DAB1: variants seen among roughly 807,000 people sequenced by gnomAD.
DAB1 encodes DAB adaptor protein 1, also known as disabled homolog 1.
DAB1 carries 15 observed loss-of-function variants against 64.6 expected under a neutral mutation model. The ratio of observed to expected loss-of-function variants is 0.23; its 90% CI spans 0.16 to 0.36. DAB1 has a LOEUF of 0.36. Ranked by LOEUF, DAB1 falls within the 10% of genes least tolerant of loss-of-function variation. The pLI is 1.00. For missense variants in DAB1, 596 were observed against 706.7 expected (o/e 0.84, Z 1.78); for synonymous variants, 235 against 251.9 (o/e 0.93, Z 0.64).
chr1:57,945,316 G>A (rs1645167941), intron 5 of DAB1, among the ~76,000 whole-genome samples: 1 of 152,120 alleles, frequency 6.6e-6, no homozygotes, highest in Non-Finnish European at 1.5e-5. Flanking sequence ...CTGGAGTGTA[G>A]TGGTTTGTTC....
At chr1:57,613,966 A>G (rs1470381476) in intron 7 of DAB1, among the ~76,000 whole-genome samples, 1 of 152,196 alleles carries the variant, frequency 6.6e-6, no homozygotes, top group Admixed American at 6.5e-5. Context: ...AGAAGTATGT[A>G]TCTAAATACC....
At chr1:58,393,353 A>T (rs1018592290) in intron 3 of DAB1, among the ~76,000 whole-genome samples, 2 of 152,188 alleles carry the variant, frequency 1.3e-5, no homozygotes, top group Non-Finnish European at 2.9e-5. Context: ...ATGAATACAA[A>T]TCAAATAATA....
intron 5 of DAB1, among the ~76,000 whole-genome samples, chr1:58,124,743 T>C (rs948090849): frequency 1.7e-4 from 26 of 152,224 alleles, no homozygotes. Context: ...CTTAGGCCAG[T>C]GTCTTTGCAT....
intron 7 of DAB1, among the ~76,000 whole-genome samples, chr1:57,454,400 A>G (rs1461186407): frequency 6.6e-6 from 1 of 152,196 alleles, no homozygotes; most frequent in Non-Finnish European, 1.5e-5. Flanking sequence ...AAACTAACAC[A>G]GGAACAGAAA....
chr1:58,215,314 C>A (rs1352833572), intron 4 of DAB1, among the ~76,000 whole-genome samples: 1 of 152,072 alleles, frequency 6.6e-6, no homozygotes, highest in East Asian at 1.9e-4. Flanking sequence ...AGTCAAATGA[C>A]CTCCCTCCCT....
At chr1:57,982,669 A>C (rs953501926) in intron 5 of DAB1, among the ~76,000 whole-genome samples, 2 of 152,206 alleles carry the variant, frequency 1.3e-5, no homozygotes, top group Non-Finnish European at 2.9e-5. Flanking sequence ...GCCTTCAAGG[A>C]AGCAAAATTC....
chr1:57,886,655 G>A (rs1300275979), upstream of DAB1, among the ~76,000 whole-genome samples: 4 of 152,130 alleles, frequency 2.6e-5, no homozygotes, highest in African/African-American at 9.7e-5. Flanking sequence ...CTATTTGCAT[G>A]TCTTCTCTGC....
At chr1:57,145,451 TC>T (rs778584155) in intron 2 of DAB1, 22 bp from the exon 3 acceptor site, 14 of 1,613,550 alleles carry the variant, frequency 8.7e-6, no homozygotes, top group African/African-American at 1.3e-5. Context: ...AAAAGCAGAT[TC>T]AAATATGTAG....
chr1:58,300,276 T>C (rs1313771929), intron 4 of DAB1, among the ~76,000 whole-genome samples: 4 of 152,078 alleles, frequency 2.6e-5, no homozygotes, highest in Admixed American at 2.6e-4. Context: ...CTGGGAGCAG[T>C]GGCTTATGCC....
chr1:57,000,082 C>A (rs1052030937), intron 14 of DAB1, among the ~76,000 whole-genome samples: 1 of 135,982 alleles, frequency 7.4e-6, no homozygotes, highest in Non-Finnish European at 1.5e-5. Context: ...CTCACTCTGT[C>A]GCCCAGGCTA....
At chr1:57,480,739 C>A (rs1183813007) in intron 7 of DAB1, among the ~76,000 whole-genome samples, 1 of 152,172 alleles carries the variant, frequency 6.6e-6, no homozygotes, top group African/African-American at 2.4e-5. Flanking sequence ...CCCTTCTTGG[C>A]TTCACAAAGT....
chr1:58,258,521 C>T (rs1394065819), intron 4 of DAB1, among the ~76,000 whole-genome samples: 1 of 152,106 alleles, frequency 6.6e-6, no homozygotes, highest in Non-Finnish European at 1.5e-5. Flanking sequence ...TGTCTGGACT[C>T]ATTTTTCATA....
At chr1:58,146,412 T>C (rs751615877) in intron 5 of DAB1, among the ~76,000 whole-genome samples, 1 of 152,180 alleles carries the variant, frequency 6.6e-6, no homozygotes, top group Non-Finnish European at 1.5e-5. Flanking sequence ...TAATACAATA[T>C]AATTAACTAG....
At chr1:58,200,682 A>T (rs568020359) in intron 4 of DAB1, among the ~76,000 whole-genome samples, 5 of 152,294 alleles carry the variant, frequency 3.3e-5, no homozygotes, top group African/African-American at 1.2e-4. Context: ...GTGTAATTCA[A>T]TTGATTTTTT....
chr1:57,905,445 A>C (rs1356627931), intron 5 of DAB1, among the ~76,000 whole-genome samples: 1 of 152,160 alleles, frequency 6.6e-6, no homozygotes, highest in Non-Finnish European at 1.5e-5. Flanking sequence ...TTGAATGATA[A>C]GGAAGCATCA....
rs146271541 is a variant in DAB1 at position 58,332,152 on chromosome 1, G to T, written n.309+11200C>A. On this transcript the variant is annotated intron_variant and non_coding_transcript_variant, in intron 4 of 20. Coordinates refer to the DAB1 transcript ENST00000485760. ...AGTGATCTCGATGTGGCTAACTCCA[G>T]TATTTTTTTTGGTCTACATCTTGCC... Among the ~76,000 whole-genome samples the T allele has an allele frequency of 1.4e-3, 209 of 152,190 alleles. 7 individuals are homozygous for T. In the East Asian group the frequency reaches 0.037, roughly 27 times the overall value.
intron 3 of DAB1, among the ~76,000 whole-genome samples, chr1:58,358,912 TC>T (rs1276061884): frequency 2.1e-3 from 181 of 85,108 alleles, no homozygotes; most frequent in African/African-American, 8.2e-3. Context: ...TCTGTCTCTC[TC>T]CCCCCCTTCC....
rs138431018 is a variant in DAB1 at position 57,436,795 on chromosome 1, G to A, written n.626-145629C>T. Among the ~76,000 whole-genome samples, 1,037 of 152,174 alleles carry A rather than the reference G, an allele frequency of 6.8e-3. 9 individuals are homozygous for A. The highest frequency in any genetic ancestry group is 0.01 in the African/African-American group (429 of 41,530). On this transcript the variant is annotated intron_variant and non_coding_transcript_variant, in intron 7 of 20. Coordinates refer to the DAB1 transcript ENST00000485760. ...TGTAATCCCAGCACTTTGGGAGGCC[G>A]AGGCAGGCAGATCATGAGGTCAGAA... is the stretch of plus-strand genomic sequence containing the variant.
chr1:58,480,867 C>CT (rs67922378), intron 3 of DAB1: 101,467 of 599,382 alleles, frequency 0.17, 4,083 homozygotes, highest in African/African-American at 0.24. Flanking sequence ...CCTGAATATC[C>CT]TTTTTTTTTT....
Sources: gnomAD v4.1 joint callset for allele counts (sites outside exome capture counted in the v4.1 genomes callset) on GRCh38, gnomAD v4.1.1 for gene constraint, MANE v1.5 for transcripts, NCBI Gene and HGNC (gene_info 2026-07-23, HGNC 2026-07-21) for gene names.